Variants in ATG7 observed in about 807,000 individuals in gnomAD.
ATG7 encodes the protein ubiquitin-like modifier-activating enzyme ATG7.
Under a neutral mutation model 82.4 loss-of-function variants are expected in ATG7, and 70 were observed. That is an observed-to-expected ratio of 0.85 (90% CI 0.70 to 1.04). The LOEUF (loss-of-function observed/expected upper bound fraction) is 1.04. ATG7 is among the 50% of genes least tolerant of loss of function. The pLI, the probability that ATG7 is intolerant of heterozygous loss-of-function variation, is 0.00. For missense variants in ATG7, 792 were observed against 864.3 expected, an observed-to-expected ratio of 0.92 and a Z score of 1.05; for synonymous variants, 287 against 313.0, an observed-to-expected ratio of 0.92 and a Z score of 0.88.
chr3:11,333,152 T>C, intron 11 of ATG7, 59 bp downstream of exon 11: 1 of 1,466,408 alleles, frequency 6.8e-7, no homozygotes, highest in Non-Finnish European at 9.0e-7. Flanking sequence ...CGGAACCAGG[T>C]TTACTTTCTT....
intron 14 of ATG7, among the ~76,000 whole-genome samples, chr3:11,350,790 G>A (rs1437671883): frequency 6.6e-6 from 1 of 151,870 alleles, no homozygotes; most frequent in African/African-American, 2.4e-5. Flanking sequence ...TAATTGGGAA[G>A]AATAATCCAG....
At chr3:11,492,005 C>T (rs1303862385) in intron 20 of ATG7, among the ~76,000 whole-genome samples, 33 of 152,202 alleles carry the variant, frequency 2.2e-4, no homozygotes, top group Admixed American at 4.6e-4. Flanking sequence ...TTGAGCTTCC[C>T]GGCTGCTTTG....
downstream of ATG7, among the ~76,000 whole-genome samples, chr3:11,561,891 CTTTT>C (rs35380668): frequency 3.4e-5 from 3 of 88,606 alleles, no homozygotes; most frequent in African/African-American, 4.6e-5. Context: ...CTGCGCCAAA[CTTTT>C]TTTTTTTTTT....
At chr3:11,540,196 C>T (rs73123055) in intron 20 of ATG7, among the ~76,000 whole-genome samples, 3,959 of 152,338 alleles carry the variant, frequency 0.026, 69 homozygotes, top group East Asian at 0.075. Flanking sequence ...GTGCCATGTG[C>T]TTGTCAGCAC....
At position 11,458,831 on chromosome 3, in the gene ATG7, C is replaced by T. The variant is rs141445372; in HGVS notation, c.2079+31905C>T. On this transcript the variant is annotated intron_variant, in intron 20 of 20. Coordinates refer to ENST00000693202, the MANE Select transcript of ATG7 (RefSeq NM_001349232.2). ...CCGAGGCCTGTTAGGAACCCGATCG[C>T]GCAGCTGTAGGTGAGCGGGGCAAGC... is the stretch of plus-strand genomic sequence containing the variant. 4.8e-3 allele frequency among the ~76,000 whole-genome samples: 736 copies of T among 152,310 alleles called. 6 individuals are homozygous for T. Among genetic ancestry groups the T allele is most frequent in the African/African-American group, 0.017 (705 of 41,552 alleles).
intron 9 of ATG7, among the ~76,000 whole-genome samples, chr3:11,326,475 T>C (rs544769794): frequency 6.6e-6 from 1 of 152,138 alleles, no homozygotes; most frequent in Non-Finnish European, 1.5e-5. Flanking sequence ...ATTTTTTGTA[T>C]TTTTAGTAGA....
At chr3:11,456,865 G>A (rs2085781015) in intron 20 of ATG7, among the ~76,000 whole-genome samples, 1 of 152,190 alleles carries the variant, frequency 6.6e-6, no homozygotes, top group African/African-American at 2.4e-5. Flanking sequence ...TGAGGCCCCA[G>A]TATTGGAGGC....
At chr3:11,411,087 C>T (rs2080849723) in intron 19 of ATG7, among the ~76,000 whole-genome samples, 1 of 152,196 alleles carries the variant, frequency 6.6e-6, no homozygotes, top group South Asian at 2.1e-4. Flanking sequence ...TTTATCGTCA[C>T]ATGCTCATCA....
chr3:11,414,144 C>G (rs183372613), intron 19 of ATG7, among the ~76,000 whole-genome samples: 7 of 152,234 alleles, frequency 4.6e-5, no homozygotes, highest in Non-Finnish European at 7.4e-5. Context: ...CTCACTGTAA[C>G]CTCCACCTCC....
intron 20 of ATG7, among the ~76,000 whole-genome samples, chr3:11,508,262 C>T (rs984987656): frequency 6.6e-6 from 1 of 151,406 alleles, no homozygotes; most frequent in Non-Finnish European, 1.5e-5. Context: ...AATCTTTTGG[C>T]TTCCCTGAGC....
At chr3:11,541,906 G>A (rs947306172) in intron 20 of ATG7, among the ~76,000 whole-genome samples, 2 of 152,264 alleles carry the variant, frequency 1.3e-5, no homozygotes, top group East Asian at 3.8e-4. Context: ...CGTTTAAAAT[G>A]TGGGCCAAAC....
intron 20 of ATG7, among the ~76,000 whole-genome samples, chr3:11,489,366 C>T (rs920723110): frequency 1.3e-5 from 2 of 152,020 alleles, no homozygotes; most frequent in Non-Finnish European, 1.5e-5. Flanking sequence ...TGATTCTTCT[C>T]TCTTTTCTTC....
At chr3:11,391,991 C>T (rs966422171) in intron 19 of ATG7, among the ~76,000 whole-genome samples, 2 of 150,290 alleles carry the variant, frequency 1.3e-5, no homozygotes, top group South Asian at 4.2e-4. Flanking sequence ...AAATTTTTAG[C>T]AGCTTCGAGG....
intron 19 of ATG7, among the ~76,000 whole-genome samples, chr3:11,380,329 T>C (rs1253390736): frequency 2.6e-5 from 4 of 152,232 alleles, no homozygotes; most frequent in Non-Finnish European, 5.9e-5. Context: ...GAATTTGAAC[T>C]TTACTGCTCT....
the ATG7 span, among the ~76,000 whole-genome samples, chr3:11,570,374 A>C: frequency 2.6e-5 from 4 of 152,154 alleles, no homozygotes; most frequent in African/African-American, 4.8e-5. Context: ...GATGCCGGCC[A>C]CCAAGGTCTG....
In ATG7 at chr3:11,361,850, T is replaced by C. The variant is rs529502995; in HGVS notation, c.1684-963T>C. Among the ~76,000 whole-genome samples the C allele has an allele frequency of 2.6e-5, 4 of 152,342 alleles. No individual in the cohort carries two copies. The East Asian group carries it at 7.7e-4, about 29-fold the overall frequency. On this transcript the variant is annotated intron_variant, in intron 16 of 20. Coordinates refer to ENST00000693202, the MANE Select transcript of ATG7 (RefSeq NM_001349232.2). ...ACAAGTCAGTCTGTATGTAGGTCTG[T>C]TCCTTTATCAGAACAGATAACGATT...
intron 20 of ATG7, among the ~76,000 whole-genome samples, chr3:11,534,437 C>T (rs565760005): frequency 9.8e-5 from 15 of 152,366 alleles, no homozygotes; most frequent in African/African-American, 2.9e-4. Context: ...ACATCTTCTG[C>T]TCACAGGCAG....
intron 8 of ATG7, among the ~76,000 whole-genome samples, chr3:11,314,754 G>A (rs1362006491): frequency 2.7e-5 from 4 of 146,692 alleles, no homozygotes; most frequent in African/African-American, 1.0e-4. Context: ...GGGCAATATC[G>A]TGAAACCCCA....
chr3:11,284,849 C>CTT (rs34240225), intron 3 of ATG7, among the ~76,000 whole-genome samples: 43 of 113,820 alleles, frequency 3.8e-4, no homozygotes, highest in African/African-American at 4.7e-4. Flanking sequence ...TGTGCCTGGC[C>CTT]TTTTTTTTTT....
Sources: allele counts gnomAD v4.1 joint callset (sites outside exome capture counted in the v4.1 genomes callset), GRCh38; gene constraint gnomAD v4.1.1; transcripts MANE v1.5; gene names NCBI Gene and HGNC (gene_info 2026-07-23, HGNC 2026-07-21).